DNAH17: variants seen among roughly 807,000 people sequenced by gnomAD.
The protein encoded by DNAH17 is dynein axonemal heavy chain 17, also known as axonemal beta dynein heavy chain 17.
A neutral mutation model predicts 485.6 loss-of-function variants in DNAH17; 376 were observed. That is an observed-to-expected ratio of 0.77 (90% CI 0.71 to 0.84). The LOEUF (loss-of-function observed/expected upper bound fraction) is 0.84. Among genes scored for constraint, DNAH17 ranks in the 40% least tolerant of loss-of-function variants. The pLI, the probability that DNAH17 is intolerant of heterozygous loss-of-function variation, is 0.00. For missense variants in DNAH17, 6,370 were observed against 5,839.3 expected (o/e 1.09, Z -2.96); for synonymous variants, 3,031 against 2,405.9 (o/e 1.26, Z -7.60).
In DNAH17 at chr17:78,514,987, C is replaced by G; in HGVS notation, c.3900G>C (p.Lys1300Asn). Residue 1300 changes from lysine (K) to asparagine (N), a missense_variant, in exon 26 of 81, where the codon AAG (lysine) becomes AAC (asparagine). By Grantham distance (94) the Lys-to-Asn change is moderately conservative. Transcript: ENST00000389840. Reference sequence around the variant, plus strand: ...TCTGCTCAACGTTGATATCTTTCCACTTGGTGGTCTTCCAGTCCTCGATGC... The same window carrying G: ...TCTGCTCAACGTTGATATCTTTCCAGTTGGTGGTCTTCCAGTCCTCGATGC... ...NTSIEDWKTT[K>N]WKDINVEQMD... is the part of the protein sequence containing the mutation. The G allele has an allele frequency of 6.2e-7, 1 of 1,614,026 alleles. No individual in the cohort carries two copies. Among genetic ancestry groups the G allele is most frequent in the Non-Finnish European group, 8.5e-7 (1 of 1,179,896 alleles).
At chr17:78,430,203 G>A (rs952729080) in intron 75 of DNAH17, among the ~76,000 whole-genome samples, 3 of 152,202 alleles carry the variant, frequency 2.0e-5, no homozygotes, top group Non-Finnish European at 4.4e-5. Flanking sequence ...CTCCTGCACA[G>A]CGCAGTTCAG....
chr17:78,531,308 C>T (rs1361745110), intron 20 of DNAH17, among the ~76,000 whole-genome samples: 6 of 146,270 alleles, frequency 4.1e-5, no homozygotes, highest in East Asian at 2.0e-4. Flanking sequence ...TTCTTGGTCT[C>T]GTTTTACTGT....
chr17:78,567,149 T>C lies in DNAH17; in HGVS notation c.1302A>G (p.Ala434=), dbSNP rs1157654257. ...TTTTCTCCAGCTTCAGAAACTCAAT[T>C]GCTGTTTTATAGAGTTCCTAGTGGA... ...IQTIEELYKT[A]IEFLKLEKIE... The change falls in exon 10 of 81, where the codon GCA becomes GCG. Residue 434 remains alanine (A), a synonymous_variant. Transcript: ENST00000389840. The C allele has an allele frequency of 6.2e-7, 1 of 1,604,520 alleles. No individual in the cohort carries two copies. The highest frequency in any genetic ancestry group is 1.1e-5 in the South Asian group (1 of 89,226).
At position 78,506,884 on chromosome 17, in the gene DNAH17, C is replaced by CT. The variant is rs756478173; in HGVS notation, c.4677-39dup. On this transcript the variant is annotated intron_variant, in intron 29 of 80. Transcript: ENST00000389840. ...AAGGAAGTAGAGGAGGCCGGTGACCCTACTCTGTAGGGATGTCTGCCACCC... is the reference window on the plus strand; with the variant it reads ...AAGGAAGTAGAGGAGGCCGGTGACCCTTACTCTGTAGGGATGTCTGCCACCC... 86 of 1,612,844 alleles carry CT rather than the reference C, an allele frequency of 5.3e-5. No homozygotes were observed. The African/African-American group carries it at 9.7e-4, about 18-fold the overall frequency.
At chr17:78,472,851 G>A in intron 54 of DNAH17, 4 of 406,922 alleles carry the variant, frequency 9.8e-6, no homozygotes, top group Middle Eastern at 3.4e-4. Flanking sequence ...CCCTTCAGCA[G>A]TTTCTGTGCT....
At chr17:78,426,881 T>C in intron 78 of DNAH17, 45 bp downstream of exon 78, 1 of 1,560,608 alleles carries the variant, frequency 6.4e-7, no homozygotes, top group Non-Finnish European at 8.7e-7. Flanking sequence ...TCTGCTGGTT[T>C]CACCATCCAG....
At chr17:78,567,805 G>T (rs527856530) in intron 9 of DNAH17, among the ~76,000 whole-genome samples, 1 of 152,112 alleles carries the variant, frequency 6.6e-6, no homozygotes, top group Admixed American at 6.6e-5. Context: ...CTTTAGTCAC[G>T]TTCAGGCCCA....
intron 16 of DNAH17, among the ~76,000 whole-genome samples, chr17:78,551,237 A>C (rs2091894436): frequency 6.6e-6 from 1 of 152,132 alleles, no homozygotes. Flanking sequence ...GCTCGTTCCC[A>C]GTGGGGGTGA....
Position 78,479,641 on chromosome 17 carries a change from A to G in DNAH17, c.7753-9T>C, listed in dbSNP as rs768539438. On this transcript the variant is annotated splice_polypyrimidine_tract_variant and intron_variant, in intron 49 of 80. Transcript: ENST00000389840. Reference sequence around the variant, plus strand: ...AACACGCAGAAATGGCGCTACCCCAAAACAACCAAACACTCCAGTCAGCCA... The same window carrying G: ...AACACGCAGAAATGGCGCTACCCCAGAACAACCAAACACTCCAGTCAGCCA... The G allele has an allele frequency of 9.3e-6, 15 of 1,612,112 alleles. No individual in the cohort carries two copies. Among genetic ancestry groups the G allele is most frequent in the East Asian group, 2.2e-5 (1 of 44,868 alleles).
At chr17:78,539,603 G>A (rs1174945315) in intron 18 of DNAH17, 134 bp downstream of exon 18, 13 of 833,462 alleles carry the variant, frequency 1.6e-5, no homozygotes, top group Admixed American at 7.5e-5. Flanking sequence ...ACCAGGTCAA[G>A]TAGATTGCAT....
At position 78,459,872 on chromosome 17, in the gene DNAH17, T is replaced by C; in HGVS notation, c.9565A>G (p.Ile3189Val). ...AAGGTGTCCACCTTGCCCATCATGA[T>C]CTTGGCCGCCTTCCAGCTCTTGTCC... ...PKDKSWKAAK[I>V]MMGKVDTFLD... is the part of the protein sequence containing the mutation. The change falls in exon 60 of 81, where the codon ATC (isoleucine) becomes GTC (valine). Residue 3189 changes from isoleucine to valine, a missense_variant. Ile to Val is a conservative substitution (Grantham distance 29). Transcript: ENST00000389840. The C allele has an allele frequency of 6.2e-7, 1 of 1,614,046 alleles. No homozygotes were observed. Among genetic ancestry groups the C allele is most frequent in the South Asian group, 1.1e-5 (1 of 91,090 alleles).
At chr17:78,477,972 CCAT>C (rs779113099) in intron 51 of DNAH17, among the ~76,000 whole-genome samples, 7,365 of 138,228 alleles carry the variant, frequency 0.053, 313 homozygotes, top group African/African-American at 0.1. Context: ...ATCACCACCA[CCAT>C]CATCATCACC....
intron 17 of DNAH17, among the ~76,000 whole-genome samples, chr17:78,541,996 G>A (rs1598684612): frequency 6.6e-6 from 1 of 152,010 alleles, no homozygotes; most frequent in Non-Finnish European, 1.5e-5. Context: ...TTAGAGCAAT[G>A]ATGTGACAAT....
intron 1 of DNAH17, among the ~76,000 whole-genome samples, chr17:78,576,776 G>A (rs2092438832): frequency 6.6e-6 from 1 of 152,196 alleles, no homozygotes; most frequent in African/African-American, 2.4e-5. Flanking sequence ...AGAACGGCAT[G>A]GGGTGGGCTG....
chr17:78,494,280 C>A, intron 40 of DNAH17, 107 bp from the exon 41 acceptor site: 1 of 1,466,544 alleles, frequency 6.8e-7, no homozygotes, highest in Non-Finnish European at 9.1e-7. Context: ...ATAAAGGCGC[C>A]CTTGCCCTCC....
intron 65 of DNAH17, 102 bp downstream of exon 65, chr17:78,453,241 G>A: frequency 6.8e-7 from 1 of 1,472,332 alleles, no homozygotes; most frequent in Non-Finnish European, 9.2e-7. Flanking sequence ...GCTTACCAGG[G>A]AAGCAAAGGA....
chr17:78,461,629 T>C lies in DNAH17; in HGVS notation c.9254A>G (p.Gln3085Arg). 1 of 1,611,460 alleles carries C rather than the reference T, an allele frequency of 6.2e-7. No individual in the cohort carries two copies. Among genetic ancestry groups the C allele is most frequent in the Non-Finnish European group, 8.5e-7 (1 of 1,179,060 alleles). ...CTTCTCGGCCTCGATGCCGACCACC[T>C]GGATCAGTTGGTCTGCGCTCTCATT... ...QKNESADQLIQVVGIEAEKVS... is the reference protein window; with the variant it reads ...QKNESADQLIRVVGIEAEKVS... Residue 3085 changes from glutamine to arginine, a missense_variant, in exon 58 of 81, where the codon CAG becomes CGG. Transcript: ENST00000389840.
At chr17:78,441,805 G>C (rs577500146) in intron 71 of DNAH17, among the ~76,000 whole-genome samples, 9 of 152,148 alleles carry the variant, frequency 5.9e-5, no homozygotes, top group Non-Finnish European at 1.3e-4. Flanking sequence ...TAGTAAACTT[G>C]CCAGTGTGGT....
At chr17:78,459,761 T>C (rs2088001646) in intron 60 of DNAH17, 23 bp downstream of exon 60, 2 of 1,612,608 alleles carry the variant, frequency 1.2e-6, no homozygotes, top group Non-Finnish European at 1.7e-6. Flanking sequence ...AAGCCCCGGC[T>C]ACGAGGCCCA....
Sources: allele counts gnomAD v4.1 joint callset (sites outside exome capture counted in the v4.1 genomes callset), GRCh38; gene constraint gnomAD v4.1.1; transcripts MANE v1.5; gene names NCBI Gene and HGNC (gene_info 2026-07-23, HGNC 2026-07-21).